FMN2: variants seen among roughly 807,000 people sequenced by gnomAD.
The protein encoded by FMN2 is formin-2.
In FMN2, 51 loss-of-function variants were observed where a neutral mutation model predicts 142.3. The observed-to-expected ratio is 0.36, with a 90% CI of 0.29 to 0.45. The LOEUF (loss-of-function observed/expected upper bound fraction) is 0.45. Ranked by LOEUF, FMN2 falls within the 20% of genes least tolerant of loss-of-function variation. The pLI, the probability that FMN2 is intolerant of heterozygous loss-of-function variation, is 1.00. For missense variants in FMN2, 1,936 were observed against 2,122.8 expected (o/e 0.91, Z 1.73); for synonymous variants, 882 against 869.8 (o/e 1.01, Z -0.25).
intron 15 of FMN2, among the ~76,000 whole-genome samples, chr1:240,430,982 TAA>T (rs377031896): frequency 7.1e-6 from 1 of 141,592 alleles, no homozygotes; most frequent in African/African-American, 2.6e-5. Context: ...TCAGTCCCTT[TAA>T]AAAAAAAAAA....
intron 1 of FMN2, among the ~76,000 whole-genome samples, chr1:240,098,518 GATGTCCAGTTA>G (rs1661302389): frequency 1.3e-5 from 2 of 152,212 alleles, no homozygotes; most frequent in African/African-American, 4.8e-5. Context: ...ACAGAGTATA[GATGTCCAGTTA>G]ATGTCTGACG....
intron 13 of FMN2, among the ~76,000 whole-genome samples, chr1:240,338,976 T>G (rs1170565043): frequency 6.6e-6 from 1 of 152,048 alleles, no homozygotes; most frequent in African/African-American, 2.4e-5. Flanking sequence ...TCAACCGAGA[T>G]CCTGCACATG....
At chr1:240,360,738 T>C (rs1446071215) in intron 14 of FMN2, among the ~76,000 whole-genome samples, 7 of 152,204 alleles carry the variant, frequency 4.6e-5, no homozygotes, top group East Asian at 3.9e-4. Context: ...CCAACAATGA[T>C]AGACTGGATT....
chr1:240,306,577 A>T (rs1259874860), intron 8 of FMN2, among the ~76,000 whole-genome samples: 1 of 152,196 alleles, frequency 6.6e-6, no homozygotes, highest in South Asian at 2.1e-4. Flanking sequence ...AAAGAACATG[A>T]CTTCATTCTT....
intron 7 of FMN2, among the ~76,000 whole-genome samples, chr1:240,284,360 G>C (rs1265680572): frequency 6.6e-6 from 1 of 152,114 alleles, no homozygotes; most frequent in South Asian, 2.1e-4. Context: ...GATTGAGTTA[G>C]AAACAAACAG....
At chr1:240,444,530 A>C (rs887457909) in intron 16 of FMN2, among the ~76,000 whole-genome samples, 11 of 143,526 alleles carry the variant, frequency 7.7e-5, no homozygotes, top group Non-Finnish European at 1.5e-4. Context: ...AGTATTGTCT[A>C]ACTTAATTTA....
chr1:240,363,903 G>T (rs1672575048), intron 14 of FMN2, among the ~76,000 whole-genome samples: 1 of 152,084 alleles, frequency 6.6e-6, no homozygotes, highest in African/African-American at 2.4e-5. Context: ...GCAAGCCTGG[G>T]AGACTTCCCT....
At chr1:240,314,249 G>C (rs577490241) in intron 8 of FMN2, among the ~76,000 whole-genome samples, 57 of 152,202 alleles carry the variant, frequency 3.7e-4, no homozygotes, top group African/African-American at 1.3e-3. Flanking sequence ...AGGGGGAGTA[G>C]ATCATAAAGA....
intron 8 of FMN2, among the ~76,000 whole-genome samples, chr1:240,321,897 G>T (rs1432990073): frequency 6.6e-6 from 1 of 152,080 alleles, no homozygotes; most frequent in East Asian, 1.9e-4. Context: ...AACACTTCTT[G>T]GTTTAATACC....
intron 2 of FMN2, among the ~76,000 whole-genome samples, chr1:240,133,605 C>G (rs1461714605): frequency 6.6e-6 from 1 of 152,156 alleles, no homozygotes; most frequent in African/African-American, 2.4e-5. Context: ...TTTTGCCACG[C>G]TGAAGTGTTA....
chr1:240,370,097 A>G (rs760986045), intron 14 of FMN2, among the ~76,000 whole-genome samples: 5 of 152,136 alleles, frequency 3.3e-5, no homozygotes, highest in Non-Finnish European at 5.9e-5. Flanking sequence ...TGGCCTTAAA[A>G]ACTAAAGTTC....
At chr1:240,240,444 AAG>A (rs950141299) in intron 6 of FMN2, among the ~76,000 whole-genome samples, 5 of 152,316 alleles carry the variant, frequency 3.3e-5, no homozygotes, top group African/African-American at 1.2e-4. Context: ...TGGTCTCAAT[AAG>A]AGTCTTTTAT....
At chr1:240,466,141 A>T (rs1311748075) in intron 16 of FMN2, among the ~76,000 whole-genome samples, 1 of 152,258 alleles carries the variant, frequency 6.6e-6, no homozygotes, top group Non-Finnish European at 1.5e-5. Flanking sequence ...AAATAAAAAT[A>T]ATAGGAATTT....
At chr1:240,144,774 C>T in intron 2 of FMN2, 3 of 1,393,670 alleles carry the variant, frequency 2.2e-6, no homozygotes, top group Non-Finnish European at 3.1e-6. Flanking sequence ...GCCTCATGCT[C>T]TGCGTCGTGG....
intron 2 of FMN2, among the ~76,000 whole-genome samples, chr1:240,138,233 C>T (rs1019155345): frequency 2.6e-5 from 4 of 151,826 alleles, no homozygotes; most frequent in Non-Finnish European, 5.9e-5. Context: ...TGGTCAGTCG[C>T]GTGTTTTAGA....
At chr1:240,300,151 A>AAACC (rs1176383454) in intron 8 of FMN2, among the ~76,000 whole-genome samples, 1 of 152,212 alleles carries the variant, frequency 6.6e-6, no homozygotes, top group African/African-American at 2.4e-5. Flanking sequence ...CAACTGCATG[A>AAACC]AACCAATATG....
At chr1:240,317,764 C>T (rs982379699) in intron 8 of FMN2, among the ~76,000 whole-genome samples, 1 of 152,022 alleles carries the variant, frequency 6.6e-6, no homozygotes, top group African/African-American at 2.4e-5. Flanking sequence ...GTGATAAATG[C>T]CCAGGACTGC....
chr1:240,137,162 G>A (rs1662978294), intron 2 of FMN2, among the ~76,000 whole-genome samples: 1 of 151,654 alleles, frequency 6.6e-6, no homozygotes, highest in African/African-American at 2.4e-5. Flanking sequence ...GAGCTTAAAG[G>A]GTTTTTTTGT....
intron 7 of FMN2, among the ~76,000 whole-genome samples, chr1:240,290,276 A>G (rs902585423): frequency 6.6e-6 from 1 of 152,116 alleles, no homozygotes; most frequent in Non-Finnish European, 1.5e-5. Flanking sequence ...AGGCCATTTC[A>G]TTTTTCATTT....
Sources: gnomAD v4.1 joint callset for allele counts (sites outside exome capture counted in the v4.1 genomes callset) on GRCh38, gnomAD v4.1.1 for gene constraint, MANE v1.5 for transcripts, NCBI Gene and HGNC (gene_info 2026-07-23, HGNC 2026-07-21) for gene names.